The following SERINC5 variants were observed in gnomAD, a reference collection of about 807,000 sequenced individuals.
SERINC5 encodes chromosome 5 open reading frame 12.
SERINC5 carries 41 observed loss-of-function variants against 63.1 expected under a neutral mutation model. The ratio of observed to expected loss-of-function variants is 0.65; its 90% CI spans 0.51 to 0.84. SERINC5 has a LOEUF of 0.84. Among genes scored for constraint, SERINC5 ranks in the 40% least tolerant of loss-of-function variants. The probability of loss-of-function intolerance (pLI) is 0.00; values close to 1 mark genes in which losing one functional copy is unlikely to be tolerated. For synonymous variants in SERINC5, 222 were observed against 215.2 expected (o/e 1.03, Z -0.28); for missense variants, 523 against 573.0 (o/e 0.91, Z 0.89).
intron 1 of SERINC5, among the ~76,000 whole-genome samples, chr5:80,221,072 T>C (rs996262936): frequency 1.3e-5 from 2 of 152,124 alleles, no homozygotes; most frequent in African/African-American, 4.8e-5. Context: ...CACTCGGCCA[T>C]GCTAGAGGAC....
intron 1 of SERINC5, among the ~76,000 whole-genome samples, chr5:80,251,943 C>T (rs1047898765): frequency 6.6e-6 from 1 of 152,158 alleles, no homozygotes; most frequent in Non-Finnish European, 1.5e-5. Context: ...TACTTGCCTG[C>T]AGCAAGCCCT....
chr5:80,182,869 T>C (rs1748543388), intron 2 of SERINC5, among the ~76,000 whole-genome samples: 1 of 152,098 alleles, frequency 6.6e-6, no homozygotes, highest in Non-Finnish European at 1.5e-5. Context: ...TTAAAATTGC[T>C]TTTTCTCCTG....
chr5:80,216,925 G>A (rs896506385), intron 1 of SERINC5, among the ~76,000 whole-genome samples: 1 of 151,904 alleles, frequency 6.6e-6, no homozygotes, highest in Non-Finnish European at 1.5e-5. Context: ...GTAGGAGGAT[G>A]GATTGAGCCC....
chr5:80,205,872 G>T (rs1436530707), intron 1 of SERINC5, among the ~76,000 whole-genome samples: 1 of 150,272 alleles, frequency 6.7e-6, no homozygotes, highest in African/African-American at 2.5e-5. Context: ...TCAAGACCAT[G>T]ACCATCCTGG....
At chr5:80,114,157 A>G (rs796452152) in intron 11 of SERINC5, among the ~76,000 whole-genome samples, 26 of 151,886 alleles carry the variant, frequency 1.7e-4, no homozygotes, top group African/African-American at 6.3e-4. Flanking sequence ...GGCCGTCTGT[A>G]TTAGTCTGTT....
rs115984437 is a variant in SERINC5, at chr5:80,206,301, C to T, written c.28-3248G>A. ...CACCATAAACATCACTTACAATGAG[C>T]TACGATCACAGGTATATGGGTAAGA... On this transcript the variant is annotated intron_variant, in intron 1 of 11. Coordinates refer to ENST00000507668, the MANE Select transcript of SERINC5 (RefSeq NM_001174072.3). Among the ~76,000 whole-genome samples the T allele has an allele frequency of 2.0e-3, 307 of 152,272 alleles. 1 individual carries two copies. Among genetic ancestry groups the T allele is most frequent in the African/African-American group, 6.9e-3 (288 of 41,544 alleles).
At chr5:80,126,358 AAG>A (rs1401537091) in intron 11 of SERINC5, among the ~76,000 whole-genome samples, 2 of 152,212 alleles carry the variant, frequency 1.3e-5, no homozygotes, top group African/African-American at 4.8e-5. Flanking sequence ...TTCCCTGCCA[AAG>A]AGAAATGTAA....
chr5:80,158,145 G>A (rs2112344297), intron 8 of SERINC5: 2 of 152,278 alleles, frequency 1.3e-5, no homozygotes, highest in East Asian at 1.9e-4. Flanking sequence ...AGTTATCAGC[G>A]AAATATATAT....
At chr5:80,224,050 T>G (rs1371860443) in intron 1 of SERINC5, among the ~76,000 whole-genome samples, 1 of 149,362 alleles carries the variant, frequency 6.7e-6, no homozygotes, top group Non-Finnish European at 1.5e-5. Context: ...GGAGAATCGC[T>G]TGAACCTGGG....
intron 6 of SERINC5, among the ~76,000 whole-genome samples, chr5:80,167,962 T>C (rs776246506): frequency 6.6e-6 from 1 of 152,244 alleles, no homozygotes; most frequent in Non-Finnish European, 1.5e-5. Context: ...TGTTATAATG[T>C]TGCTCTTTGG....
chr5:80,161,015 C>CGTGTATATATATACACAT (rs1746871882), intron 7 of SERINC5, among the ~76,000 whole-genome samples: 1 of 141,152 alleles, frequency 7.1e-6, no homozygotes, highest in Non-Finnish European at 1.5e-5. Context: ...TGTATATATA[C>CGTGTATATATATACACAT]GTGTATATAT....
chr5:80,152,501 A>G (rs890755270), intron 8 of SERINC5, among the ~76,000 whole-genome samples: 6 of 152,154 alleles, frequency 3.9e-5, no homozygotes, highest in African/African-American at 1.4e-4. Flanking sequence ...CAAAAAAAAA[A>G]AAAAAAGAGT....
intron 1 of SERINC5, among the ~76,000 whole-genome samples, chr5:80,246,996 T>C (rs983142705): frequency 5.3e-5 from 8 of 152,154 alleles, no homozygotes; most frequent in African/African-American, 9.7e-5. Context: ...AACAGCAATA[T>C]GTAAAATTCA....
chr5:80,224,048 G>A (rs557226699), intron 1 of SERINC5, among the ~76,000 whole-genome samples: 111 of 147,556 alleles, frequency 7.5e-4, no homozygotes, highest in African/African-American at 1.7e-3. Flanking sequence ...CAGGAGAATC[G>A]CTTGAACCTG....
At chr5:80,164,910 GTTTTTTTTTTT>G (rs70982026) in intron 7 of SERINC5, among the ~76,000 whole-genome samples, 1 of 85,190 alleles carries the variant, frequency 1.2e-5, no homozygotes, top group African/African-American at 4.9e-5. Flanking sequence ...CTTTTTTTCT[GTTTTTTTTTTT>G]TTTTTTTTTT....
At chr5:80,239,467 C>CTTT in intron 1 of SERINC5, among the ~76,000 whole-genome samples, 1 of 133,950 alleles carries the variant, frequency 7.5e-6, no homozygotes, top group Admixed American at 7.6e-5. Flanking sequence ...CACTGGGATT[C>CTTT]TTTTTTTTTT....
Position 80,178,048 on chromosome 5 carries a change from T to C in SERINC5, c.212A>G (p.Asp71Gly). 6.3e-7 allele frequency: 1 copy of C among 1,594,236 alleles called. No homozygotes were observed. The highest frequency in any genetic ancestry group is 2.2e-5 in the East Asian group (1 of 44,700). Reference protein sequence around the residue: ...KMKEHIPFFEDMCKGIKAGDT... With the variant: ...KMKEHIPFFEGMCKGIKAGDT... ...ACCAGCTTTAATGCCTTTACACATA[T>C]CTTCAAAAAAAGGAATCTGAGGAGA... The change falls in exon 3 of 12, where the codon GAT becomes GGT. Residue 71 changes from aspartate (D) to glycine (G), a missense_variant. Physicochemically the swap from Asp to Gly is moderately conservative, Grantham distance 94. Transcript: ENST00000507668.
intron 2 of SERINC5, among the ~76,000 whole-genome samples, chr5:80,201,902 T>C (rs1478815747): frequency 1.3e-5 from 2 of 152,184 alleles, no homozygotes; most frequent in Non-Finnish European, 2.9e-5. Context: ...TTATTATACT[T>C]CCTATGTAGG....
intron 8 of SERINC5, among the ~76,000 whole-genome samples, chr5:80,152,766 C>G (rs541262388): frequency 6.6e-6 from 1 of 151,952 alleles, no homozygotes. Flanking sequence ...CATGGCAAAA[C>G]CCCATCTATA....
Sources: allele counts gnomAD v4.1 joint callset (sites outside exome capture counted in the v4.1 genomes callset), GRCh38; gene constraint gnomAD v4.1.1; transcripts MANE v1.5; gene names NCBI Gene and HGNC (gene_info 2026-07-23, HGNC 2026-07-21).